Variants in PDE4D observed in about 807,000 individuals in gnomAD.
The protein encoded by PDE4D is 3',5'-cyclic-AMP phosphodiesterase 4D.
PDE4D carries 24 observed loss-of-function variants against 87.4 expected under a neutral mutation model. That is an observed-to-expected ratio of 0.27 (90% CI 0.20 to 0.39). The LOEUF is 0.39. Ranked by LOEUF, PDE4D falls within the 10% of genes least tolerant of loss-of-function variation. The pLI is 1.00. For missense variants in PDE4D, 714 were observed against 1,041.0 expected, an observed-to-expected ratio of 0.69 and a Z score of 4.32; for synonymous variants, 384 against 383.2, an observed-to-expected ratio of 1.00 and a Z score of -0.02.
chr5:59,279,186 T>C (rs1380510960), intron 1 of PDE4D, among the ~76,000 whole-genome samples: 1 of 152,122 alleles, frequency 6.6e-6, no homozygotes, highest in Admixed American at 6.6e-5. Context: ...CAACTAAATA[T>C]TCAGGCCTCT....
At chr5:59,467,650 G>A (rs546060260) in intron 1 of PDE4D, among the ~76,000 whole-genome samples, 60 of 152,032 alleles carry the variant, frequency 3.9e-4, no homozygotes, top group African/African-American at 1.4e-3. Flanking sequence ...CGAAATCCAC[G>A]GCCATATAAA....
chr5:59,327,132 TACACACACACACACAC>T (rs3061651), intron 1 of PDE4D, among the ~76,000 whole-genome samples: 5 of 141,780 alleles, frequency 3.5e-5, no homozygotes, highest in East Asian at 2.1e-4. Flanking sequence ...GAAACAGAAA[TACACACACACACACAC>T]ACACACACAC....
intron 1 of PDE4D, among the ~76,000 whole-genome samples, chr5:59,336,123 G>A (rs555603115): frequency 6.6e-6 from 1 of 152,292 alleles, no homozygotes; most frequent in African/African-American, 2.4e-5. Flanking sequence ...TCTGAAGGAA[G>A]TTAATTGAAT....
At position 59,447,998 on chromosome 5, in the gene PDE4D, G is replaced by A. The variant is rs1408140284; in HGVS notation, c.456-232030C>T. ...AACAAGTAATGAGAGCAAGAAATAA[G>A]ACTGTGGCTGTAGCAACTGAAATAT... On this transcript the variant is annotated intron_variant, in intron 1 of 14. Coordinates refer to ENST00000340635, the MANE Select transcript of PDE4D (RefSeq NM_001104631.2). Among the ~76,000 whole-genome samples, 5 of 152,312 alleles carry A rather than the reference G, an allele frequency of 3.3e-5. No individual in the cohort carries two copies. The East Asian group carries it at 9.6e-4, about 29-fold the overall frequency.
chr5:59,010,300 C>T (rs1329708175), intron 6 of PDE4D, among the ~76,000 whole-genome samples: 2 of 151,898 alleles, frequency 1.3e-5, no homozygotes, highest in African/African-American at 2.4e-5. Flanking sequence ...GCACTCCAGC[C>T]GGGGTGACAG....
At chr5:60,488,729 A>G (rs1321017900), upstream of PDE4D, among the ~76,000 whole-genome samples, 1 of 152,166 alleles carries the variant, frequency 6.6e-6, no homozygotes, top group African/African-American at 2.4e-5. Context: ...GGGCTGAGAC[A>G]GGACAGGGAT....
At chr5:59,486,258 T>G (rs1805127203) in intron 1 of PDE4D, among the ~76,000 whole-genome samples, 1 of 152,142 alleles carries the variant, frequency 6.6e-6, no homozygotes, top group South Asian at 2.1e-4. Context: ...TTTGATTCCT[T>G]GGCTCCACCC....
chr5:59,613,824 A>C (rs1449079336), intron 1 of PDE4D, among the ~76,000 whole-genome samples: 2 of 152,216 alleles, frequency 1.3e-5, no homozygotes, highest in Non-Finnish European at 2.9e-5. Flanking sequence ...AAGAGGAAAG[A>C]ACAAATGCCA....
At chr5:59,470,614 T>C (rs1219316903) in intron 1 of PDE4D, among the ~76,000 whole-genome samples, 1 of 152,238 alleles carries the variant, frequency 6.6e-6, no homozygotes, top group Non-Finnish European at 1.5e-5. Flanking sequence ...TAATACTGTT[T>C]AGCTAGTTCT....
intron 1 of PDE4D, among the ~76,000 whole-genome samples, chr5:60,299,699 A>C (rs190420630): frequency 6.6e-5 from 10 of 151,954 alleles, no homozygotes; most frequent in Admixed American, 5.9e-4. Context: ...GTGGCTTCCA[A>C]CTCCAACCAT....
intron 1 of PDE4D, among the ~76,000 whole-genome samples, chr5:59,223,606 A>T (rs2153512428): frequency 6.6e-6 from 1 of 152,270 alleles, no homozygotes; most frequent in African/African-American, 2.4e-5. Context: ...CAAGGTTATG[A>T]AGCTCGTTTC....
chr5:60,209,949 T>C (rs1742997989), intron 1 of PDE4D, among the ~76,000 whole-genome samples: 1 of 152,202 alleles, frequency 6.6e-6, no homozygotes, highest in African/African-American at 2.4e-5. Flanking sequence ...TTTAAGTAAT[T>C]ACTTTTCTAT....
intron 1 of PDE4D, among the ~76,000 whole-genome samples, chr5:59,507,677 A>AG (rs1388838648): frequency 3.4e-5 from 5 of 148,712 alleles, no homozygotes; most frequent in African/African-American, 7.4e-5. Flanking sequence ...AAAAAAAAAA[A>AG]AAAAAAGAAA....
intron 5 of PDE4D, among the ~76,000 whole-genome samples, chr5:59,102,398 A>C (rs953899604): frequency 6.6e-6 from 1 of 152,070 alleles, no homozygotes; most frequent in Non-Finnish European, 1.5e-5. Flanking sequence ...TACATTTTTA[A>C]TGCCTCTAAA....
chr5:59,334,417 C>T (rs1426275828), intron 1 of PDE4D, among the ~76,000 whole-genome samples: 1 of 151,790 alleles, frequency 6.6e-6, no homozygotes, highest in African/African-American at 2.4e-5. Context: ...TGCCATTATG[C>T]CTGGCTAATT....
chr5:59,138,099 G>T lies in PDE4D; in HGVS notation c.808+42496C>A, dbSNP rs116692638. Among the ~76,000 whole-genome samples, 636 of 152,282 alleles carry T rather than the reference G, an allele frequency of 4.2e-3. 10 individuals carry two copies. The highest frequency in any genetic ancestry group is 0.015 in the African/African-American group (610 of 41,550). On this transcript the variant is annotated intron_variant, in intron 5 of 14. Transcript: ENST00000340635. The stretch of plus-strand genomic sequence containing the variant: ...ATGGCAAGAGAAAAGCTAAACACTG[G>T]GGATACATATTACTTCACTTTTGTC...
intron 3 of PDE4D, among the ~76,000 whole-genome samples, chr5:59,906,380 C>A (rs1752819093): frequency 6.6e-6 from 1 of 152,116 alleles, no homozygotes; most frequent in African/African-American, 2.4e-5. Context: ...TCTAAGCTAG[C>A]CTTTTCATTC....
chr5:59,522,221 T>C (rs982110209), intron 1 of PDE4D, among the ~76,000 whole-genome samples: 21 of 152,380 alleles, frequency 1.4e-4, no homozygotes, highest in African/African-American at 4.6e-4. Flanking sequence ...ATACTTGTTC[T>C]TGAACTATAA....
chr5:59,778,330 G>A (rs1404030101), intron 1 of PDE4D, among the ~76,000 whole-genome samples: 2 of 152,212 alleles, frequency 1.3e-5, no homozygotes, highest in Non-Finnish European at 2.9e-5. Context: ...ATGGATAACT[G>A]TAAAAGCAGG....
Sources: allele counts gnomAD v4.1 joint callset (sites outside exome capture counted in the v4.1 genomes callset), GRCh38; gene constraint gnomAD v4.1.1; transcripts MANE v1.5; gene names NCBI Gene and HGNC (gene_info 2026-07-23, HGNC 2026-07-21).